Variants in COMMD1 observed in about 807,000 individuals in gnomAD.
The protein encoded by COMMD1 is COMM domain-containing protein 1.
A neutral mutation model predicts 17.2 loss-of-function variants in COMMD1; 10 were observed. That is an observed-to-expected ratio of 0.58 (90% confidence interval 0.36 to 0.99). COMMD1 has a LOEUF of 0.99. Ranked by LOEUF, COMMD1 falls within the 50% of genes least tolerant of loss-of-function variation. The probability of loss-of-function intolerance (pLI) is 0.01; values close to 1 mark genes in which losing one functional copy is unlikely to be tolerated. For missense variants in COMMD1, 270 were observed against 231.8 expected, an observed-to-expected ratio of 1.17 and a Z score of -1.07; for synonymous variants, 97 against 91.6, an observed-to-expected ratio of 1.06 and a Z score of -0.34.
At chr2:62,063,898 T>TATA (rs1438732823) in intron 2 of COMMD1, among the ~76,000 whole-genome samples, 10 of 126,318 alleles carry the variant, frequency 7.9e-5, no homozygotes, top group South Asian at 5.4e-4. Flanking sequence ...TATATATATA[T>TATA]TAGCCAGGCA....
intron 1 of COMMD1, among the ~76,000 whole-genome samples, chr2:61,952,822 T>C (rs1671093380): frequency 6.6e-6 from 1 of 152,230 alleles, no homozygotes; most frequent in Non-Finnish European, 1.5e-5. Flanking sequence ...GGATGTATGC[T>C]TTCAGTTTTC....
intron 1 of COMMD1, among the ~76,000 whole-genome samples, chr2:61,891,828 TTTTA>T (rs969582906): frequency 6.6e-6 from 1 of 151,868 alleles, no homozygotes; most frequent in Admixed American, 6.6e-5. Flanking sequence ...GATATTTATT[TTTTA>T]TTTATTTATT....
At chr2:62,115,203 G>A (rs1489444295) in intron 2 of COMMD1, among the ~76,000 whole-genome samples, 1 of 152,214 alleles carries the variant, frequency 6.6e-6, no homozygotes, top group Non-Finnish European at 1.5e-5. Context: ...GCTAGAAGGT[G>A]GTGGAGTCTT....
upstream of COMMD1, among the ~76,000 whole-genome samples, chr2:61,901,548 A>T (rs972162792): frequency 1.3e-5 from 2 of 152,064 alleles, no homozygotes; most frequent in African/African-American, 4.8e-5. Flanking sequence ...GCTTGAATCC[A>T]GGAGGTGGAA....
intron 2 of COMMD1, among the ~76,000 whole-genome samples, chr2:62,098,162 C>CTT (rs1212972398): frequency 0.012 from 1,552 of 125,818 alleles, 26 homozygotes; most frequent in East Asian, 0.042. Context: ...TCCTTTCTTT[C>CTT]TTTTTTTTTT....
intron 1 of COMMD1, among the ~76,000 whole-genome samples, chr2:61,934,379 C>G (rs1475388098): frequency 6.6e-6 from 1 of 152,036 alleles, no homozygotes; most frequent in African/African-American, 2.4e-5. Context: ...TCTAGAGTAT[C>G]AAAATGAAGG....
intron 1 of COMMD1, among the ~76,000 whole-genome samples, chr2:61,981,734 T>C (rs1296342522): frequency 6.6e-6 from 1 of 152,082 alleles, no homozygotes; most frequent in African/African-American, 2.4e-5. Context: ...TATAAAACCA[T>C]CAGATCTTAT....
intron 1 of COMMD1, among the ~76,000 whole-genome samples, chr2:61,913,796 C>A (rs1176249444): frequency 0.03 from 412 of 13,944 alleles, no homozygotes; most frequent in Middle Eastern, 0.12. Context: ...ACTCCATCTC[C>A]AAAAAAAAAA....
chr2:62,044,685 C>T (rs1310452464), intron 2 of COMMD1, among the ~76,000 whole-genome samples: 3 of 151,942 alleles, frequency 2.0e-5, no homozygotes, highest in South Asian at 2.1e-4. Flanking sequence ...GTGAACCTAA[C>T]ATTGTGGGCT....
intron 1 of COMMD1, among the ~76,000 whole-genome samples, chr2:61,981,234 A>G (rs1324937064): frequency 1.3e-5 from 2 of 152,196 alleles, no homozygotes; most frequent in Non-Finnish European, 2.9e-5. Context: ...GCCCAGTCCA[A>G]TGGCCTGAAG....
intron 1 of COMMD1, among the ~76,000 whole-genome samples, chr2:61,926,475 T>C (rs139711231): frequency 6.6e-6 from 1 of 152,128 alleles, no homozygotes; most frequent in African/African-American, 2.4e-5. Context: ...GAAAGAAAAA[T>C]AGAATCCTGG....
At chr2:62,070,674 C>T (rs1671175631) in intron 2 of COMMD1, among the ~76,000 whole-genome samples, 1 of 152,114 alleles carries the variant, frequency 6.6e-6, no homozygotes, top group East Asian at 1.9e-4. Context: ...GTTCTTGGAT[C>T]CCACGCAAGA....
intron 2 of COMMD1, among the ~76,000 whole-genome samples, chr2:62,024,122 A>C (rs977734116): frequency 6.6e-6 from 1 of 152,238 alleles, no homozygotes; most frequent in Non-Finnish European, 1.5e-5. Flanking sequence ...AAATTTAATA[A>C]ATAAATATTT....
At chr2:61,922,177 G>A (rs1423462150) in intron 1 of COMMD1, among the ~76,000 whole-genome samples, 1 of 152,200 alleles carries the variant, frequency 6.6e-6, no homozygotes, top group Non-Finnish European at 1.5e-5. Flanking sequence ...TAACTGTGAT[G>A]TGGAATTATG....
chr2:62,055,999 A>G (rs1193358675), intron 2 of COMMD1, among the ~76,000 whole-genome samples: 2 of 152,214 alleles, frequency 1.3e-5, no homozygotes, highest in Non-Finnish European at 2.9e-5. Context: ...TTGCCAACCA[A>G]CACCATAGCT....
chr2:61,971,154 A>T (rs569908785), intron 1 of COMMD1, among the ~76,000 whole-genome samples: 4 of 152,336 alleles, frequency 2.6e-5, no homozygotes, highest in African/African-American at 9.6e-5. Flanking sequence ...GAAATTGAAC[A>T]CTCGAACAAA....
intron 1 of COMMD1, among the ~76,000 whole-genome samples, chr2:61,994,078 C>T (rs1668676018): frequency 6.6e-6 from 1 of 152,076 alleles, no homozygotes; most frequent in African/African-American, 2.4e-5. Context: ...CCTTCGCCTC[C>T]CGGGTTCAAG....
intron 2 of COMMD1, among the ~76,000 whole-genome samples, chr2:62,005,046 A>G (rs1669072542): frequency 1.3e-5 from 2 of 152,242 alleles, no homozygotes; most frequent in South Asian, 2.1e-4. Flanking sequence ...ATGGTCACAC[A>G]TAAGAATCAC....
intron 1 of COMMD1, among the ~76,000 whole-genome samples, chr2:61,961,430 A>G (rs1485769363): frequency 6.6e-6 from 1 of 152,222 alleles, no homozygotes; most frequent in Non-Finnish European, 1.5e-5. Context: ...ACGGAATGGC[A>G]TGGACTGTGG....
Sources: gnomAD v4.1 joint callset for allele counts (sites outside exome capture counted in the v4.1 genomes callset) on GRCh38, gnomAD v4.1.1 for gene constraint, MANE v1.5 for transcripts, NCBI Gene and HGNC (gene_info 2026-07-23, HGNC 2026-07-21) for gene names.